XKR6: variants seen among roughly 807,000 people sequenced by gnomAD.
XKR6 encodes the protein XK-related protein 6.
Under a neutral mutation model 56.7 loss-of-function variants are expected in XKR6, and 22 were observed. The observed-to-expected ratio is 0.39, with a 90% CI of 0.28 to 0.55. The LOEUF (loss-of-function observed/expected upper bound fraction) is 0.55, where lower values mean the gene tolerates loss of function less well. Among genes scored for constraint, XKR6 ranks in the 20% least tolerant of loss-of-function variants. XKR6 has a pLI of 0.66. For synonymous variants in XKR6, 524 were observed against 387.8 expected (o/e 1.35, Z -4.13); for missense variants, 852 against 889.0 (o/e 0.96, Z 0.53).
chr8:10,949,487 G>A (rs1199798609), intron 1 of XKR6, among the ~76,000 whole-genome samples: 2 of 152,204 alleles, frequency 1.3e-5, no homozygotes, highest in Admixed American at 6.5e-5. Flanking sequence ...CTGAGCTCTC[G>A]CTCTGTAGCC....
At chr8:11,183,493 T>TA (rs1202187956) in intron 1 of XKR6, among the ~76,000 whole-genome samples, 2 of 151,538 alleles carry the variant, frequency 1.3e-5, no homozygotes, top group East Asian at 3.9e-4. Context: ...TTTTTTTTTT[T>TA]AACTTTTTGA....
At chr8:11,194,286 T>C (rs183818891) in intron 1 of XKR6, 2 of 152,340 alleles carry the variant, frequency 1.3e-5, no homozygotes, top group Non-Finnish European at 2.9e-5. Flanking sequence ...CTGAGGCCAG[T>C]GGTTGTTTGT....
chr8:11,131,056 G>A (rs539232391), intron 1 of XKR6, among the ~76,000 whole-genome samples: 6 of 152,172 alleles, frequency 3.9e-5, no homozygotes, highest in South Asian at 2.1e-4. Context: ...ATTCTGTCCC[G>A]GGGGATTTCT....
At chr8:10,977,941 C>T (rs977782544) in intron 1 of XKR6, among the ~76,000 whole-genome samples, 2 of 152,072 alleles carry the variant, frequency 1.3e-5, no homozygotes, top group African/African-American at 4.8e-5. Flanking sequence ...GACTCCAGAA[C>T]GTACCATTTT....
chr8:11,170,442 G>C (rs1018763193), intron 1 of XKR6, among the ~76,000 whole-genome samples: 2 of 152,162 alleles, frequency 1.3e-5, no homozygotes, highest in Non-Finnish European at 2.9e-5. Context: ...AGTAAAAGAA[G>C]TTAATCACAA....
intron 1 of XKR6, among the ~76,000 whole-genome samples, chr8:11,050,571 T>TAAAA (rs56370844): frequency 7.0e-6 from 1 of 142,068 alleles, no homozygotes; most frequent in African/African-American, 2.6e-5. Flanking sequence ...TCATTTTATT[T>TAAAA]AAAAAAAAAA....
intron 1 of XKR6, among the ~76,000 whole-genome samples, chr8:11,070,312 G>A (rs1800083570): frequency 6.6e-6 from 1 of 152,218 alleles, no homozygotes; most frequent in Non-Finnish European, 1.5e-5. Context: ...GTAAAAGAGA[G>A]AAGCTGGGTT....
chr8:11,038,376 C>T lies in XKR6; in HGVS notation c.765-113546G>A, dbSNP rs544845401. Among the ~76,000 whole-genome samples the T allele has an allele frequency of 1.8e-4, 28 of 152,212 alleles. No homozygotes were observed. The South Asian group carries it at 3.3e-3, about 18-fold the overall frequency. On this transcript the variant is annotated intron_variant, in intron 1 of 2. Transcript: ENST00000416569. ...GTCATGTGAGTCACTCGAGGTCACA[C>T]AGGTATTTTAAGTATAATTAAATCA...
At chr8:10,941,396 G>A (rs1299659371) in intron 1 of XKR6, among the ~76,000 whole-genome samples, 1 of 152,210 alleles carries the variant, frequency 6.6e-6, no homozygotes, top group Non-Finnish European at 1.5e-5. Flanking sequence ...GGCACCATGG[G>A]CCCTGTGGAG....
At chr8:10,991,758 C>T (rs1797998314) in intron 1 of XKR6, among the ~76,000 whole-genome samples, 1 of 152,164 alleles carries the variant, frequency 6.6e-6, no homozygotes, top group East Asian at 1.9e-4. Flanking sequence ...ATGTTTTTCT[C>T]CCATTGCCTC....
At chr8:11,101,631 T>C (rs941608338) in intron 1 of XKR6, among the ~76,000 whole-genome samples, 1 of 152,184 alleles carries the variant, frequency 6.6e-6, no homozygotes, top group Non-Finnish European at 1.5e-5. Flanking sequence ...CAATGAATTT[T>C]CCCCCTCCTT....
At chr8:10,928,396 T>C (rs1282099216) in intron 1 of XKR6, among the ~76,000 whole-genome samples, 11 of 152,202 alleles carry the variant, frequency 7.2e-5, no homozygotes, top group Admixed American at 4.6e-4. Context: ...TCTAAGGAGC[T>C]GCCAAGAAAC....
chr8:11,058,814 T>C (rs927919422), intron 1 of XKR6, among the ~76,000 whole-genome samples: 4 of 152,120 alleles, frequency 2.6e-5, no homozygotes, highest in Non-Finnish European at 5.9e-5. Context: ...GTAACAAACC[T>C]GCATGTTCTG....
Position 11,106,863 on chromosome 8 carries a change from A to AAAAAAAAAAAAAAAAAAAAAAAAAAG in XKR6, c.764+93712_764+93713insCTTTTTTTTTTTTTTTTTTTTTTTTT, listed in dbSNP as rs60435831. Among the ~76,000 whole-genome samples, 62 of 109,908 alleles carry AAAAAAAAAAAAAAAAAAAAAAAAAAG rather than the reference A, an allele frequency of 5.6e-4. 4 individuals are homozygous for AAAAAAAAAAAAAAAAAAAAAAAAAAG. The highest frequency in any genetic ancestry group is 6.9e-4 in the Non-Finnish European group (39 of 56,452). 72.1% of individuals were successfully genotyped at this position (109,908 alleles called of 152,430 possible). A position where few individuals can be genotyped will look rare whatever the true frequency, so the allele number is the denominator to read the frequency against. On this transcript the variant is annotated intron_variant, in intron 1 of 2. Coordinates refer to ENST00000416569, the MANE Select transcript of XKR6 (RefSeq NM_173683.4). ...GAGACTTCATCTCAAAAAAAAAAAA[A>AAAAAAAAAAAAAAAAAAAAAAAAAAG]AATAAAAAAGATACAACGTTACAAA...
chr8:11,200,976 C>G lies in XKR6; in HGVS notation c.364G>C (p.Val122Leu), dbSNP rs939809730. The G allele has an allele frequency of 1.5e-5, 23 of 1,496,692 alleles. No homozygotes were observed. Among genetic ancestry groups the G allele is most frequent in the Non-Finnish European group, 2.0e-5 (22 of 1,123,990 alleles). The allele number at this position is 1,496,692 out of a possible 1,614,324, so 92.7% of individuals were successfully genotyped here. A position where few individuals can be genotyped will look rare whatever the true frequency, so the allele number is the denominator to read the frequency against. Residue 122 changes from valine to leucine, a missense_variant, in exon 1 of 3, where the codon GTG becomes CTG. Physicochemically the swap from Val to Leu is conservative, Grantham distance 32 (BLOSUM62 1). Transcript: ENST00000416569. The surrounding 1 kb of genome is among the most constrained non-coding windows in gnomAD (Gnocchi z 6.4). ...AGGCAGTCGAGCCACGGCCGCTCCA[C>G]CTGCGGCGGCGGCGGCTCCGGCCGC... ...AARPEPPPPQ[V>L]ERPWLDCLWI... is the part of the protein sequence containing the mutation.
chr8:11,093,697 C>CT (rs1798160997), intron 1 of XKR6, among the ~76,000 whole-genome samples: 1 of 152,278 alleles, frequency 6.6e-6, no homozygotes, highest in East Asian at 1.9e-4. Flanking sequence ...CTATCTTTCC[C>CT]TTTTTTCATT....
intron 2 of XKR6, among the ~76,000 whole-genome samples, chr8:10,923,209 G>A (rs948589837): frequency 6.6e-6 from 1 of 152,264 alleles, no homozygotes; most frequent in Non-Finnish European, 1.5e-5. Context: ...TGGTCCCTCA[G>A]CTCAGTGTGG....
At chr8:11,092,104 A>G (rs962908828) in intron 1 of XKR6, among the ~76,000 whole-genome samples, 1 of 152,220 alleles carries the variant, frequency 6.6e-6, no homozygotes, top group Non-Finnish European at 1.5e-5. Flanking sequence ...ATAAACAAAG[A>G]GTATAAATAA....
At chr8:10,949,059 T>C (rs73662651) in intron 1 of XKR6, among the ~76,000 whole-genome samples, 22,042 of 152,192 alleles carry the variant, frequency 0.14, 1,895 homozygotes, top group African/African-American at 0.24. Flanking sequence ...ACTCACGCTG[T>C]CCTCTCCTGT....
Sources: gnomAD v4.1 joint callset for allele counts (sites outside exome capture counted in the v4.1 genomes callset) on GRCh38, gnomAD v4.1.1 for gene constraint, Gnocchi (gnomAD v3.1) non-coding constraint, MANE v1.5 for transcripts, NCBI Gene and HGNC (gene_info 2026-07-23, HGNC 2026-07-21) for gene names.